The following AOX1 variants were observed in gnomAD, a reference collection of about 807,000 sequenced individuals.
AOX1 encodes aldehyde oxidase.
In AOX1, 153 loss-of-function variants were observed where a neutral mutation model predicts 169.5. That is an observed-to-expected ratio of 0.90 (90% confidence interval 0.79 to 1.03). The LOEUF is 1.03. Ranked by LOEUF, AOX1 falls within the 50% of genes least tolerant of loss-of-function variation. The pLI, the probability that AOX1 is intolerant of heterozygous loss-of-function variation, is 0.00. For synonymous variants in AOX1, 562 were observed against 581.9 expected (o/e 0.97, Z 0.49); for missense variants, 1,656 against 1,663.9 (o/e 1.00, Z 0.08).
intron 2 of AOX1, 138 bp from the exon 3 acceptor site, chr2:200,595,134 A>T (rs750556245): frequency 4.1e-6 from 2 of 486,962 alleles, no homozygotes; most frequent in Non-Finnish European, 7.3e-6. Flanking sequence ...TAATTAAGAC[A>T]TAAACACATT....
intron 1 of AOX1, among the ~76,000 whole-genome samples, chr2:200,588,979 A>C (rs949153218): frequency 3.9e-5 from 6 of 151,936 alleles, no homozygotes; most frequent in African/African-American, 1.4e-4. Flanking sequence ...CGTTCCAGAG[A>C]GTAAGGGATT....
At chr2:200,672,276 T>C (rs941601373), downstream of AOX1, among the ~76,000 whole-genome samples, 2 of 152,272 alleles carry the variant, frequency 1.3e-5, no homozygotes, top group East Asian at 3.8e-4. Flanking sequence ...GTGAGTTTTA[T>C]GGTATGTGAA....
At chr2:200,607,599 C>T (rs2034542161) in intron 10 of AOX1, among the ~76,000 whole-genome samples, 2 of 152,096 alleles carry the variant, frequency 1.3e-5, no homozygotes, top group Admixed American at 6.6e-5. Context: ...CCATTTGACC[C>T]AGTAATCCCA....
intron 1 of AOX1, chr2:200,588,053 G>C (rs2034075399): frequency 6.6e-6 from 1 of 152,282 alleles, no homozygotes; most frequent in Admixed American, 6.5e-5. Context: ...TAAATACGTG[G>C]AAATGTGTAA....
chr2:200,602,167 C>T (rs1239642096), intron 5 of AOX1, 117 bp from the exon 6 acceptor site: 1 of 747,518 alleles, frequency 1.3e-6, no homozygotes, highest in Non-Finnish European at 2.2e-6. Context: ...ATTAGGTGGA[C>T]TAAAATGTCA....
At chr2:200,659,351 G>A in intron 28 of AOX1, 58 bp downstream of exon 28, 2 of 1,565,920 alleles carry the variant, frequency 1.3e-6, no homozygotes, top group East Asian at 4.5e-5. Context: ...AAATACGTGG[G>A]TGGGTGGAGC....
rs1317229615 is a variant in AOX1 at position 200,651,017 on chromosome 2, A to G, written c.2891A>G (p.Tyr964Cys). The G allele has an allele frequency of 6.2e-7, 1 of 1,614,240 alleles. No homozygotes were observed. Among genetic ancestry groups the G allele is most frequent in the East Asian group, 2.2e-5 (1 of 44,888 alleles). The change falls in exon 26 of 35, where the codon TAC (tyrosine) becomes TGC (cysteine). Residue 964 changes from tyrosine to cysteine, a missense_variant. Coordinates refer to ENST00000374700, the MANE Select transcript of AOX1 (RefSeq NM_001159.4). ...NMYKEIDQTP[Y>C]KQEINAKNLI... is the part of the protein sequence containing the mutation. ...TACAAGGAAATTGATCAAACACCCT[A>G]CAAACAAGAGATCAATGCCAAGAAC... is the stretch of plus-strand genomic sequence containing the variant.
intron 27 of AOX1, among the ~76,000 whole-genome samples, chr2:200,657,193 T>A (rs867494328): frequency 0.02 from 2,416 of 121,934 alleles, 49 homozygotes; most frequent in Non-Finnish European, 0.032. Flanking sequence ...TATATATATT[T>A]TTTTTTTTTT....
chr2:200,628,607 G>A (rs1277414837), intron 20 of AOX1, among the ~76,000 whole-genome samples: 1 of 152,084 alleles, frequency 6.6e-6, no homozygotes, highest in Non-Finnish European at 1.5e-5. Flanking sequence ...AATTTCCAGG[G>A]CATTGGCCTC....
chr2:200,669,677 A>T lies in AOX1; in HGVS notation c.3901A>T (p.Thr1301Ser). ...RQERGLHGPL[T>S]LNSPLTPEKI... ...GGAGAGAGGCCTGCATGGACCCTTGACCCTTAATAGTCCACTGACCCCGGA... is the reference window on the plus strand; with the variant it reads ...GGAGAGAGGCCTGCATGGACCCTTGTCCCTTAATAGTCCACTGACCCCGGA... Residue 1301 changes from threonine (T) to serine (S), a missense_variant, in exon 34 of 35, where the codon ACC (threonine) becomes TCC (serine). Physicochemically the swap from Thr to Ser is moderately conservative, Grantham distance 58. Transcript: ENST00000374700. 6.2e-7 allele frequency: 1 copy of T among 1,613,864 alleles called. No individual in the cohort carries two copies. The highest frequency in any genetic ancestry group is 8.5e-7 in the Non-Finnish European group (1 of 1,179,958).
chr2:200,669,310 C>T (rs1166318167), intron 33 of AOX1, among the ~76,000 whole-genome samples: 10 of 151,900 alleles, frequency 6.6e-5, no homozygotes, highest in African/African-American at 2.2e-4. Context: ...CCAGGTGTGG[C>T]GGTGCATGTC....
chr2:200,594,675 A>G (rs1373594510), intron 2 of AOX1, among the ~76,000 whole-genome samples: 1 of 152,218 alleles, frequency 6.6e-6, no homozygotes, highest in African/African-American at 2.4e-5. Flanking sequence ...ACATCCTAGT[A>G]GCCAGCATTG....
chr2:200,637,946 G>C (rs996312664), intron 22 of AOX1, among the ~76,000 whole-genome samples: 1 of 152,148 alleles, frequency 6.6e-6, no homozygotes, highest in South Asian at 2.1e-4. Flanking sequence ...TATTACAATG[G>C]GAAATGCCCC....
downstream of AOX1, among the ~76,000 whole-genome samples, chr2:200,672,859 C>T (rs767891090): frequency 7.2e-5 from 11 of 152,134 alleles, no homozygotes; most frequent in Non-Finnish European, 1.3e-4. Context: ...ACTGGGGAGA[C>T]AAGGCATTAG....
chr2:200,647,526 C>T (rs2035481121), intron 25 of AOX1, among the ~76,000 whole-genome samples: 1 of 152,156 alleles, frequency 6.6e-6, no homozygotes, highest in South Asian at 2.1e-4. Flanking sequence ...AGATTCTTTC[C>T]TTCATCTTAA....
Position 200,651,184 on chromosome 2 carries a change from T to A in AOX1, c.3058T>A (p.Ser1020Thr), listed in dbSNP as rs1398059144. 2 of 1,614,028 alleles carry A rather than the reference T, an allele frequency of 1.2e-6. No homozygotes were observed. Among genetic ancestry groups the A allele is most frequent in the Non-Finnish European group, 1.7e-6 (2 of 1,180,026 alleles). Residue 1020 changes from serine to threonine, a missense_variant, in exon 26 of 35, where the codon TCA becomes ACA. Physicochemically the swap from Ser to Thr is moderately conservative, Grantham distance 58. Coordinates refer to ENST00000374700, the MANE Select transcript of AOX1 (RefSeq NM_001159.4). Reference sequence around the variant, plus strand: ...CCTGAAGTTTCCTGTTGGCCTTGGCTCACGTGCTGCTGGTCAGGTGAGTTC... The same window carrying A: ...CCTGAAGTTTCCTGTTGGCCTTGGCACACGTGCTGCTGGTCAGGTGAGTTC... ...VPLKFPVGLG[S>T]RAAGQAAALV...
At chr2:200,655,082 C>T (rs957895695) in intron 26 of AOX1, among the ~76,000 whole-genome samples, 1 of 152,222 alleles carries the variant, frequency 6.6e-6, no homozygotes, top group South Asian at 2.1e-4. Flanking sequence ...TACATGCACA[C>T]TTTGCGAGCC....
chr2:200,624,098 G>A (rs2034949846), intron 19 of AOX1, 115 bp downstream of exon 19: 4 of 1,291,524 alleles, frequency 3.1e-6, no homozygotes, highest in East Asian at 2.4e-5. Context: ...CAAAGCACAC[G>A]GACTTTATTA....
chr2:200,665,144 A>C (rs1358798645), intron 31 of AOX1, among the ~76,000 whole-genome samples: 2 of 152,212 alleles, frequency 1.3e-5, no homozygotes, highest in African/African-American at 4.8e-5. Context: ...TCCTCCAGAG[A>C]GACCAGCCCA....
Sources: allele counts gnomAD v4.1 joint callset (sites outside exome capture counted in the v4.1 genomes callset), GRCh38; gene constraint gnomAD v4.1.1; transcripts MANE v1.5; gene names NCBI Gene and HGNC (gene_info 2026-07-23, HGNC 2026-07-21).